FRAS1: variants seen among roughly 807,000 people sequenced by gnomAD.
FRAS1 encodes extracellular matrix organizing protein FRAS1.
Under a neutral mutation model 435.2 loss-of-function variants are expected in FRAS1, and 290 were observed. The observed-to-expected ratio is 0.67, with a 90% CI of 0.61 to 0.73. The LOEUF is 0.73. FRAS1 is among the 30% of genes least tolerant of loss of function. The pLI, the probability that FRAS1 is intolerant of heterozygous loss-of-function variation, is 0.00. For synonymous variants in FRAS1, 1,800 were observed against 1,851.0 expected (o/e 0.97, Z 0.71); for missense variants, 4,860 against 5,001.5 (o/e 0.97, Z 0.85).
chr4:78,522,951 T>C, intron 69 of FRAS1, 143 bp downstream of exon 69: 1 of 800,592 alleles, frequency 1.2e-6, no homozygotes, highest in South Asian at 2.2e-5. Flanking sequence ...CAGCTGGGAG[T>C]AGTGGTGCTA....
chr4:78,473,928 T>C (rs1461764650), intron 53 of FRAS1, among the ~76,000 whole-genome samples: 1 of 152,236 alleles, frequency 6.6e-6, no homozygotes, highest in Admixed American at 6.5e-5. Flanking sequence ...AAGACCAGGA[T>C]GTAAGCCCAG....
intron 2 of FRAS1, among the ~76,000 whole-genome samples, chr4:78,228,728 T>TC (rs1177735728): frequency 6.6e-6 from 1 of 152,196 alleles, no homozygotes; most frequent in South Asian, 2.1e-4. Flanking sequence ...CTACACCTAC[T>TC]CCCTCTGTCA....
intron 2 of FRAS1, among the ~76,000 whole-genome samples, chr4:78,117,590 G>T (rs1024285861): frequency 6.6e-6 from 1 of 151,840 alleles, no homozygotes; most frequent in South Asian, 2.1e-4. Flanking sequence ...TTGCTCTTCC[G>T]TCACTGATAC....
intron 18 of FRAS1, among the ~76,000 whole-genome samples, chr4:78,332,841 T>C (rs1730001328): frequency 6.6e-6 from 1 of 152,202 alleles, no homozygotes; most frequent in African/African-American, 2.4e-5. Context: ...AGGCACTTTA[T>C]AAACCTATGT....
At chr4:78,193,484 A>G (rs146571734) in intron 2 of FRAS1, among the ~76,000 whole-genome samples, 5,850 of 152,228 alleles carry the variant, frequency 0.038, 139 homozygotes, top group Non-Finnish European at 0.059. Flanking sequence ...ATTTAGGATA[A>G]TTAGCTCTGC....
chr4:78,154,558 T>A (rs1720802467), intron 2 of FRAS1, among the ~76,000 whole-genome samples: 1 of 152,202 alleles, frequency 6.6e-6, no homozygotes. Flanking sequence ...TCTTTACACC[T>A]AACAGGTTCT....
chr4:78,212,706 C>T (rs754999854), intron 2 of FRAS1, among the ~76,000 whole-genome samples: 1 of 152,180 alleles, frequency 6.6e-6, no homozygotes, highest in Non-Finnish European at 1.5e-5. Flanking sequence ...AGCTTAGCAC[C>T]TAATGAGTAC....
intron 2 of FRAS1, among the ~76,000 whole-genome samples, chr4:78,155,858 T>C (rs1341415775): frequency 1.3e-5 from 2 of 152,110 alleles, no homozygotes; most frequent in African/African-American, 4.8e-5. Context: ...AGTTGGTGAG[T>C]GGGCCATCAA....
chr4:78,261,620 A>G (rs1346550754), intron 6 of FRAS1, among the ~76,000 whole-genome samples: 1 of 151,962 alleles, frequency 6.6e-6, no homozygotes, highest in Non-Finnish European at 1.5e-5. Flanking sequence ...TTACACCCAT[A>G]CAAAAGAAAC....
intron 2 of FRAS1, among the ~76,000 whole-genome samples, chr4:78,209,608 C>T (rs9995864): frequency 0.027 from 4,050 of 152,214 alleles, 165 homozygotes; most frequent in African/African-American, 0.089. Flanking sequence ...ATATCTTATA[C>T]TTTCCTTGGG....
intron 2 of FRAS1, among the ~76,000 whole-genome samples, chr4:78,219,614 A>G (rs1480989488): frequency 6.6e-6 from 1 of 152,198 alleles, no homozygotes; most frequent in Non-Finnish European, 1.5e-5. Flanking sequence ...TTTAAAATAT[A>G]TTTGTGTAAG....
At position 78,318,982 on chromosome 4, in the gene FRAS1, T is replaced by A. The variant is rs1729391130; in HGVS notation, c.2133T>A (p.Cys711Ter). The change falls in exon 18 of 74, where the codon TGT (cysteine) becomes TGA (stop). Residue 711 changes from cysteine to a stop codon, truncating the protein, a stop_gained. Coordinates refer to ENST00000512123, the MANE Select transcript of FRAS1 (RefSeq NM_025074.7). LOFTEE classifies it high-confidence loss of function. Reference protein sequence around the residue: ...AHFYLESTGICEACHQSCFRC... With the variant: ...AHFYLESTGI Reference sequence around the variant, plus strand: ...TTTACTTGGAGAGCACTGGCATATGTGAAGGTAAGCATGATTTGAGAAAGT... The same window carrying A: ...TTTACTTGGAGAGCACTGGCATATGAGAAGGTAAGCATGATTTGAGAAAGT... The A allele has an allele frequency of 6.2e-7, 1 of 1,613,848 alleles. No homozygotes were observed. The highest frequency in any genetic ancestry group is 8.5e-7 in the Non-Finnish European group (1 of 1,179,804).
intron 2 of FRAS1, among the ~76,000 whole-genome samples, chr4:78,095,265 A>C (rs1741739828): frequency 6.6e-6 from 1 of 152,250 alleles, no homozygotes; most frequent in Non-Finnish European, 1.5e-5. Context: ...CATTGTAGGA[A>C]AAAAAGACTA....
At chr4:78,497,998 C>A (rs2109872508) in intron 60 of FRAS1, among the ~76,000 whole-genome samples, 1 of 152,230 alleles carries the variant, frequency 6.6e-6, no homozygotes, top group South Asian at 2.1e-4. Context: ...GAACAGACAA[C>A]CAAACACCAC....
At chr4:78,211,902 C>A (rs969092134) in intron 2 of FRAS1, among the ~76,000 whole-genome samples, 15 of 152,150 alleles carry the variant, frequency 9.9e-5, no homozygotes, top group Admixed American at 9.8e-4. Flanking sequence ...CTTTCTCTCT[C>A]TCAAAGTTTG....
intron 40 of FRAS1, among the ~76,000 whole-genome samples, chr4:78,439,497 T>C (rs1347328930): frequency 6.6e-6 from 1 of 152,220 alleles, no homozygotes; most frequent in Non-Finnish European, 1.5e-5. Flanking sequence ...CAATGCATTC[T>C]GATCATTGAA....
intron 2 of FRAS1, among the ~76,000 whole-genome samples, chr4:78,125,023 T>C (rs1230851793): frequency 6.6e-6 from 1 of 152,224 alleles, no homozygotes; most frequent in Non-Finnish European, 1.5e-5. Flanking sequence ...TTTCTTGTCT[T>C]CTGCTAGCTT....
At chr4:78,512,730 C>T (rs1721079106) in intron 64 of FRAS1, among the ~76,000 whole-genome samples, 1 of 152,160 alleles carries the variant, frequency 6.6e-6, no homozygotes, top group South Asian at 2.1e-4. Flanking sequence ...ATTTCCTGGT[C>T]CAAAGGCTGC....
At chr4:78,173,627 A>G (rs1721645737) in intron 2 of FRAS1, among the ~76,000 whole-genome samples, 1 of 152,230 alleles carries the variant, frequency 6.6e-6, no homozygotes, top group South Asian at 2.1e-4. Context: ...CAGTTATTTC[A>G]TACAGGTATT....
Sources: allele counts gnomAD v4.1 joint callset (sites outside exome capture counted in the v4.1 genomes callset), GRCh38; gene constraint gnomAD v4.1.1; transcripts MANE v1.5; gene names NCBI Gene and HGNC (gene_info 2026-07-23, HGNC 2026-07-21).